CPLANE1: variants seen among roughly 807,000 people sequenced by gnomAD.
CPLANE1 encodes ciliogenesis and planar polarity effector 1.
A neutral mutation model predicts 362.5 loss-of-function variants in CPLANE1; 263 were observed. The ratio of observed to expected loss-of-function variants is 0.73; its 90% CI spans 0.66 to 0.80. The LOEUF (loss-of-function observed/expected upper bound fraction) is 0.80, where lower values mean the gene tolerates loss of function less well. Among genes scored for constraint, CPLANE1 ranks in the 30% least tolerant of loss-of-function variants. CPLANE1 has a pLI of 0.00. For missense variants in CPLANE1, 3,461 were observed against 3,793.4 expected (o/e 0.91, Z 2.30); for synonymous variants, 1,212 against 1,302.6 (o/e 0.93, Z 1.50).
chr5:37,090,300 G>T, the CPLANE1 span, among the ~76,000 whole-genome samples: 3 of 152,082 alleles, frequency 2.0e-5, no homozygotes, highest in African/African-American at 7.2e-5. Context: ...GATGGCCCCC[G>T]GGCTATGCTT....
chr5:37,140,792 G>C (rs1020635538), intron 44 of CPLANE1: 6 of 985,222 alleles, frequency 6.1e-6, no homozygotes, highest in Non-Finnish European at 7.2e-6. Context: ...ACTAACCCAC[G>C]GCCACAGTAC....
At chr5:37,193,342 T>C (rs972559338) in intron 21 of CPLANE1, among the ~76,000 whole-genome samples, 1 of 151,420 alleles carries the variant, frequency 6.6e-6, no homozygotes, top group Non-Finnish European at 1.5e-5. Flanking sequence ...TTTTCCGTAA[T>C]AAAAAAACTT....
intron 21 of CPLANE1, among the ~76,000 whole-genome samples, chr5:37,190,026 G>A (rs944584814): frequency 1.3e-5 from 2 of 151,836 alleles, no homozygotes; most frequent in African/African-American, 4.8e-5. Context: ...GAAAAGAAGA[G>A]TGCATTGCAC....
chr5:37,108,380 A>C lies in CPLANE1; in HGVS notation c.9492T>G (p.Tyr3164Ter). Residue 3164 changes from tyrosine to a stop codon, truncating the protein, a stop_gained, in exon 52 of 53, where the codon TAT (tyrosine) becomes TAG (stop). Coordinates refer to ENST00000651892, the MANE Select transcript of CPLANE1 (RefSeq NM_001384732.1). LOFTEE classifies it high-confidence loss of function. ...GACTCACCACAGTCTCCTCTCTTTC[A>C]TACTCTACACACACCTGCTTGGTTT... is the stretch of plus-strand genomic sequence containing the variant. ...APQTKQVCVE[Y>*]EREETVVSPW... 6.2e-7 allele frequency: 1 copy of C among 1,614,122 alleles called. No homozygotes were observed. The highest frequency in any genetic ancestry group is 8.5e-7 in the Non-Finnish European group (1 of 1,179,992).
chr5:37,207,814 C>T (rs1791227253), intron 16 of CPLANE1, among the ~76,000 whole-genome samples: 1 of 152,200 alleles, frequency 6.6e-6, no homozygotes, highest in Non-Finnish European at 1.5e-5. Flanking sequence ...AACAGCTTCC[C>T]ATGATACTTA....
intron 42 of CPLANE1, among the ~76,000 whole-genome samples, chr5:37,148,639 G>A (rs964280711): frequency 6.6e-6 from 1 of 152,202 alleles, no homozygotes; most frequent in Non-Finnish European, 1.5e-5. Flanking sequence ...ACCACTCAGT[G>A]TCTGCCCAGA....
At chr5:37,186,454 TC>T in intron 23 of CPLANE1, 60 bp from the exon 24 acceptor site, 1 of 783,004 alleles carries the variant, frequency 1.3e-6, no homozygotes, top group Non-Finnish European at 2.3e-6. Flanking sequence ...TTTCTTCCAT[TC>T]CACAAATATT....
Position 37,185,049 on chromosome 5 carries a change from A to T in CPLANE1, c.4220T>A (p.Val1407Asp). The T allele has an allele frequency of 6.2e-7, 1 of 1,613,244 alleles. No individual in the cohort carries two copies. The highest frequency in any genetic ancestry group is 8.5e-7 in the Non-Finnish European group (1 of 1,179,658). Residue 1407 changes from valine (V) to aspartate (D), a missense_variant, in exon 25 of 53, where the codon GTC becomes GAC. Val to Asp is a radical substitution (Grantham distance 152). This residue lies in a region of CPLANE1 where 3,380 missense variants were observed against 3,666.1 expected (regional missense o/e 0.92). Transcript: ENST00000651892. ...CCTCACTTTCTGGATAGAATGCATGACAACAGACATCATTTCCTCAGTCTG... is the reference window on the plus strand; with the variant it reads ...CCTCACTTTCTGGATAGAATGCATGTCAACAGACATCATTTCCTCAGTCTG... ...GPQTEEMMSV[V>D]MHSIQKVRVK...
intron 52 of CPLANE1, 47 bp from the exon 53 acceptor site, chr5:37,107,825 C>A (rs775381465): frequency 5.4e-6 from 8 of 1,476,096 alleles, no homozygotes; most frequent in South Asian, 1.4e-5. Context: ...TAAAAACAAA[C>A]AAAAAAACAA....
intron 40 of CPLANE1, 55 bp from the exon 41 acceptor site, chr5:37,157,475 T>C (rs753520372): frequency 5.3e-6 from 7 of 1,328,148 alleles, no homozygotes; most frequent in African/African-American, 1.4e-5. Flanking sequence ...ATCAAGACTA[T>C]GAAAAGCATT....
intron 20 of CPLANE1, among the ~76,000 whole-genome samples, chr5:37,197,932 G>A (rs748572647): frequency 1.3e-5 from 2 of 151,984 alleles, no homozygotes; most frequent in Non-Finnish European, 2.9e-5. Flanking sequence ...AGTTTCCATT[G>A]TGTTTCAAAA....
chr5:37,246,792 C>T (rs909891130), intron 2 of CPLANE1, among the ~76,000 whole-genome samples: 1 of 152,086 alleles, frequency 6.6e-6, no homozygotes, highest in Non-Finnish European at 1.5e-5. Context: ...TCTGTAATCC[C>T]AGCTATTCAG....
chr5:37,241,846 T>C (rs2150743426), intron 6 of CPLANE1, among the ~76,000 whole-genome samples: 1 of 152,076 alleles, frequency 6.6e-6, no homozygotes, highest in Non-Finnish European at 1.5e-5. Flanking sequence ...TCCAGGCTGG[T>C]CTTGAACTCC....
chr5:37,109,580 T>C (rs1324058377), intron 51 of CPLANE1, among the ~76,000 whole-genome samples: 2 of 152,216 alleles, frequency 1.3e-5, no homozygotes, highest in African/African-American at 4.8e-5. Context: ...ATCTGAACTT[T>C]AACATGTCCA....
chr5:37,097,482 A>G, the CPLANE1 span, among the ~76,000 whole-genome samples: 1 of 152,214 alleles, frequency 6.6e-6, no homozygotes, highest in South Asian at 2.1e-4. Flanking sequence ...AAACTTTCCA[A>G]GTATAGCAAG....
intron 16 of CPLANE1, chr5:37,211,440 G>T (rs988440608): frequency 6.7e-7 from 1 of 1,487,250 alleles, no homozygotes; most frequent in African/African-American, 1.4e-5. Context: ...ACGTATTTTT[G>T]CAGAGGACAG....
At chr5:37,166,012 T>C (rs1344385309) in intron 35 of CPLANE1, among the ~76,000 whole-genome samples, 1 of 152,114 alleles carries the variant, frequency 6.6e-6, no homozygotes. Context: ...ATTTGTCTAT[T>C]TGAAGACATT....
At position 37,209,847 on chromosome 5, in the gene CPLANE1, C is replaced by T; in HGVS notation, c.2921-3422G>A. ...TAAAGAAAGTTGTAATATGGAAACT[C>T]AGACAAGTTCGACATTTAGCAGAGA... On this transcript the variant is annotated intron_variant, in intron 16 of 52. Coordinates refer to ENST00000651892, the MANE Select transcript of CPLANE1 (RefSeq NM_001384732.1). The surrounding 1 kb of genome is among the most constrained non-coding windows in gnomAD (Gnocchi z 4.6). 7.4e-7 allele frequency: 1 copy of T among 1,358,062 alleles called. No homozygotes were observed. Among genetic ancestry groups the T allele is most frequent in the South Asian group, 1.2e-5 (1 of 85,738 alleles). The allele number at this position is 1,358,062 out of a possible 1,614,324, so 84.1% of individuals were successfully genotyped here.
intron 15 of CPLANE1, among the ~76,000 whole-genome samples, chr5:37,217,088 C>T (rs1467750049): frequency 6.6e-6 from 1 of 152,134 alleles, no homozygotes; most frequent in African/African-American, 2.4e-5. Flanking sequence ...GGAAAAACCA[C>T]ACTATTTCTT....
Sources: gnomAD v4.1 joint callset for allele counts (sites outside exome capture counted in the v4.1 genomes callset) on GRCh38, gnomAD v4.1.1 for gene constraint, gnomAD v4.1.1 regional missense constraint, Gnocchi (gnomAD v3.1) non-coding constraint, MANE v1.5 for transcripts, NCBI Gene and HGNC (gene_info 2026-07-23, HGNC 2026-07-21) for gene names.